Variants in WWTR1 observed in about 807,000 individuals in gnomAD.
WWTR1 encodes the protein WW domain containing transcription regulator 1, also known as WW domain-containing transcription regulator protein 1.
In WWTR1, 13 loss-of-function variants were observed where a neutral mutation model predicts 40.1. That is an observed-to-expected ratio of 0.32 (90% CI 0.21 to 0.52). The LOEUF is 0.52. WWTR1 is among the 20% of genes least tolerant of loss of function. The pLI, the probability that WWTR1 is intolerant of heterozygous loss-of-function variation, is 0.97. For missense variants in WWTR1, 436 were observed against 523.1 expected (o/e 0.83, Z 1.63); for synonymous variants, 230 against 210.1 (o/e 1.09, Z -0.82).
In WWTR1 at chr3:149,580,269, C is replaced by G. The variant is rs557584581; in HGVS notation, c.432-7269G>C. ...CTTTTGTTTTGCCAACGGTACTTAG[C>G]TCTGCTAACCAACACCAGAGATGAG... is the stretch of plus-strand genomic sequence containing the variant. On this transcript the variant is annotated intron_variant, in intron 2 of 6. Coordinates refer to ENST00000360632, the MANE Select transcript of WWTR1 (RefSeq NM_015472.6). 2.0e-5 allele frequency among the ~76,000 whole-genome samples: 3 copies of G among 152,316 alleles called. No homozygotes were observed. In the East Asian group the frequency reaches 5.8e-4, roughly 29 times the overall value.
chr3:149,695,174 G>A, intron 1 of WWTR1, among the ~76,000 whole-genome samples: 1 of 152,172 alleles, frequency 6.6e-6, no homozygotes, highest in African/African-American at 2.4e-5. Flanking sequence ...GATAGTGAAG[G>A]TGGATGCAAG....
chr3:149,517,915 T>A lies in WWTR1; in HGVS notation c.*2890A>T, dbSNP rs748899178. The A allele has an allele frequency of 3.3e-5, 5 of 152,190 alleles. No individual in the cohort carries two copies. The highest frequency in any genetic ancestry group is 7.4e-5 in the Non-Finnish European group (5 of 68,024). The allele number at this position is 152,190 out of a possible 1,614,324, so 9.4% of individuals were successfully genotyped here. On this transcript the variant is annotated 3_prime_UTR_variant, in exon 7 of 7. Coordinates refer to ENST00000360632, the MANE Select transcript of WWTR1 (RefSeq NM_015472.6). ...ACAAAATTTTGGGGTGAAATGATGA[T>A]GTTTACTGATTGATTTAGTACTAAA... is the stretch of plus-strand genomic sequence containing the variant.
chr3:149,562,924 A>C (rs1029676717), intron 3 of WWTR1, among the ~76,000 whole-genome samples: 2 of 152,090 alleles, frequency 1.3e-5, no homozygotes, highest in Non-Finnish European at 2.9e-5. Flanking sequence ...ATTACCAGGG[A>C]CGCCAAAGAG....
intron 2 of WWTR1, among the ~76,000 whole-genome samples, chr3:149,605,433 A>G (rs1000946077): frequency 6.6e-6 from 1 of 152,078 alleles, no homozygotes; most frequent in African/African-American, 2.4e-5. Flanking sequence ...GGACTGAGAG[A>G]ACTTGGAGGA....
At chr3:149,608,394 T>A (rs1446583509) in intron 2 of WWTR1, among the ~76,000 whole-genome samples, 1 of 151,996 alleles carries the variant, frequency 6.6e-6, no homozygotes, top group Non-Finnish European at 1.5e-5. Flanking sequence ...CTAAATTTTT[T>A]TTTTTTTTTG....
At chr3:149,555,218 T>C (rs1237509625) in intron 3 of WWTR1, among the ~76,000 whole-genome samples, 1 of 152,224 alleles carries the variant, frequency 6.6e-6, no homozygotes, top group East Asian at 1.9e-4. Flanking sequence ...GTTTTTAATG[T>C]GTGCATGTGT....
chr3:149,688,924 A>G (rs1026137652), intron 1 of WWTR1, among the ~76,000 whole-genome samples: 1 of 152,206 alleles, frequency 6.6e-6, no homozygotes, highest in Admixed American at 6.5e-5. Context: ...TCAAAATCCT[A>G]TTAGATAAGT....
intron 1 of WWTR1, among the ~76,000 whole-genome samples, chr3:149,689,717 T>G (rs1053567740): frequency 1.3e-5 from 2 of 152,164 alleles, no homozygotes; most frequent in African/African-American, 4.8e-5. Context: ...ATAACAGATC[T>G]GTCCTATAAG....
rs201744429 is a variant in WWTR1, at chr3:149,575,090, T to TC, written c.432-2091dup. 3.4e-3 allele frequency among the ~76,000 whole-genome samples: 497 copies of TC among 146,514 alleles called. 2 individuals are homozygous for TC. Among genetic ancestry groups the TC allele is most frequent in the Non-Finnish European group, 6.1e-3 (406 of 66,444 alleles). On this transcript the variant is annotated intron_variant, in intron 2 of 6. Transcript: ENST00000360632. ...GCCTAGGCAGCAGAGTGAGACTCCA[T>TC]CCCCCCCAAAAAAAAAAGATGGGGA...
intron 5 of WWTR1, among the ~76,000 whole-genome samples, chr3:149,714,831 G>C (rs916994109): frequency 2.0e-5 from 3 of 152,176 alleles, no homozygotes; most frequent in African/African-American, 7.2e-5. Flanking sequence ...GGACCAATCA[G>C]CACACACTTC....
intron 2 of WWTR1, among the ~76,000 whole-genome samples, chr3:149,581,374 A>T (rs1399649559): frequency 1.3e-5 from 2 of 152,144 alleles, no homozygotes; most frequent in Non-Finnish European, 1.5e-5. Flanking sequence ...CATGCCATAT[A>T]ATAAAGGTGA....
intron 4 of WWTR1, among the ~76,000 whole-genome samples, chr3:149,720,552 G>A (rs569173055): frequency 2.0e-5 from 3 of 152,032 alleles, no homozygotes; most frequent in African/African-American, 7.2e-5. Flanking sequence ...CAGTAAGTGT[G>A]AGTCCTCCAG....
chr3:149,673,968 C>A (rs1384576407), intron 1 of WWTR1, among the ~76,000 whole-genome samples: 1 of 150,422 alleles, frequency 6.6e-6, no homozygotes, highest in African/African-American at 2.4e-5. Flanking sequence ...TCCCAGCGCA[C>A]TTTGGAAGGC....
At chr3:149,669,222 AC>A (rs1194930444) in intron 2 of WWTR1, among the ~76,000 whole-genome samples, 2 of 152,134 alleles carry the variant, frequency 1.3e-5, no homozygotes, top group African/African-American at 4.8e-5. Flanking sequence ...TATACAATAT[AC>A]CCCCACATAT....
chr3:149,708,591 A>T (rs1715391636), intron 5 of WWTR1, among the ~76,000 whole-genome samples: 1 of 152,178 alleles, frequency 6.6e-6, no homozygotes, highest in South Asian at 2.1e-4. Flanking sequence ...TTTGTGACTG[A>T]CTTACTTCAC....
intron 3 of WWTR1, among the ~76,000 whole-genome samples, chr3:149,559,382 G>C (rs1364239734): frequency 6.6e-6 from 1 of 151,256 alleles, no homozygotes; most frequent in Non-Finnish European, 1.5e-5. Context: ...GGGTAAAGGA[G>C]AATGATGTCT....
At chr3:149,617,410 C>CA (rs1188283885) in intron 2 of WWTR1, among the ~76,000 whole-genome samples, 1 of 152,178 alleles carries the variant, frequency 6.6e-6, no homozygotes, top group African/African-American at 2.4e-5. Flanking sequence ...TCTTCAAGTT[C>CA]AAAACCACTA....
At chr3:149,604,163 A>G (rs1739384107) in intron 2 of WWTR1, among the ~76,000 whole-genome samples, 1 of 152,206 alleles carries the variant, frequency 6.6e-6, no homozygotes, top group African/African-American at 2.4e-5. Context: ...ACCCTGTAAG[A>G]TAAGTATTAT....
upstream of WWTR1, among the ~76,000 whole-genome samples, chr3:149,704,500 T>C (rs1289405507): frequency 6.6e-6 from 1 of 152,178 alleles, no homozygotes; most frequent in Non-Finnish European, 1.5e-5. Flanking sequence ...GGGAATATTA[T>C]GCTGAAAGCA....
Sources: allele counts gnomAD v4.1 joint callset (sites outside exome capture counted in the v4.1 genomes callset), GRCh38; gene constraint gnomAD v4.1.1; transcripts MANE v1.5; gene names NCBI Gene and HGNC (gene_info 2026-07-23, HGNC 2026-07-21).